Variants in HGF observed in about 807,000 individuals in gnomAD.
HGF encodes the protein hepatocyte growth factor.
HGF carries 39 observed loss-of-function variants against 111.6 expected under a neutral mutation model. The observed-to-expected ratio is 0.35, with a 90% CI of 0.27 to 0.46. The LOEUF is 0.46. HGF is among the 20% of genes least tolerant of loss of function. The pLI is 1.00. For missense variants in HGF, 735 were observed against 910.5 expected, an observed-to-expected ratio of 0.81 and a Z score of 2.48; for synonymous variants, 285 against 294.8, an observed-to-expected ratio of 0.97 and a Z score of 0.34.
chr7:81,758,385 G>A (rs1378059223), intron 3 of HGF, among the ~76,000 whole-genome samples: 2 of 151,818 alleles, frequency 1.3e-5, no homozygotes, highest in East Asian at 1.9e-4. Flanking sequence ...AAAGAAAGTA[G>A]CACTTTCTAA....
intron 5 of HGF, chr7:81,751,395 AC>A: frequency 3.0e-6 from 3 of 985,250 alleles, no homozygotes; most frequent in Non-Finnish European, 3.6e-6. Flanking sequence ...TGAAATGGTT[AC>A]TCTTCCATCT....
chr7:81,733,436 C>G (rs545847817), intron 7 of HGF, among the ~76,000 whole-genome samples: 1 of 151,792 alleles, frequency 6.6e-6, no homozygotes, highest in South Asian at 2.1e-4. Flanking sequence ...ATGTGTATAA[C>G]TCTAACAACT....
At position 81,762,878 on chromosome 7, in the gene HGF, A is replaced by G. The variant is rs1316338382; in HGVS notation, c.89-6T>C. 1 of 1,455,780 alleles carries G rather than the reference A, an allele frequency of 6.9e-7. No individual in the cohort carries two copies. Among genetic ancestry groups the G allele is most frequent in the South Asian group, 1.2e-5 (1 of 86,718 alleles). 90.2% of individuals were successfully genotyped at this position (1,455,780 alleles called of 1,614,324 possible). A position where few individuals can be genotyped will look rare whatever the true frequency, so the allele number is the denominator to read the frequency against. ...TCTTCTTTTCCTTTGTCCCTCTATT[A>G]AATACAAAATGTTTTAAAAAAATAA... On this transcript the variant is annotated splice_region_variant and splice_polypyrimidine_tract_variant and intron_variant, in intron 1 of 17. Transcript: ENST00000222390.
Position 81,717,338 on chromosome 7 carries a change from A to G in HGF, c.1299T>C (p.Ser433=), listed in dbSNP as rs1583931313. The change falls in exon 11 of 18, where the codon AGT becomes AGC. Residue 433 remains serine (S), a synonymous_variant. Transcript: ENST00000222390. ...HRHIFWEPDA[S]KLNENYCRNP... is the part of the protein sequence containing the mutation. Reference sequence around the variant, plus strand: ...TTCGGCAGTAATTCTCATTCAGCTTACTTGCATCTGGTTCCCAGAAGATAT... The same window carrying G: ...TTCGGCAGTAATTCTCATTCAGCTTGCTTGCATCTGGTTCCCAGAAGATAT... 1 of 1,613,658 alleles carries G rather than the reference A, an allele frequency of 6.2e-7. No homozygotes were observed. The highest frequency in any genetic ancestry group is 1.3e-5 in the African/African-American group (1 of 75,032).
Position 81,758,815 on chromosome 7 carries a change from T to A in HGF, c.255-11A>T, listed in dbSNP as rs1279843520. On this transcript the variant is annotated splice_polypyrimidine_tract_variant and intron_variant, in intron 2 of 17. Coordinates refer to ENST00000222390, the MANE Select transcript of HGF (RefSeq NM_000601.6). ...TCAAAAACAAAAGCCCTGAAAAAAA[T>A]ATCAGAATGAAAAGAAGAAATACTA... 6.5e-7 allele frequency: 1 copy of A among 1,546,860 alleles called. No homozygotes were observed. Among genetic ancestry groups the A allele is most frequent in the East Asian group, 2.3e-5 (1 of 44,378 alleles).
chr7:81,723,774 A>G (rs1381417906), intron 9 of HGF, among the ~76,000 whole-genome samples: 2 of 150,836 alleles, frequency 1.3e-5, no homozygotes, highest in African/African-American at 4.9e-5. Context: ...ATGGAGAAGG[A>G]TAAGAGTAAC....
intron 15 of HGF, 146 bp downstream of exon 15, chr7:81,706,141 G>A (rs567236033): frequency 5.2e-5 from 38 of 730,022 alleles, no homozygotes; most frequent in Middle Eastern, 2.8e-4. Context: ...AGACCCAAAC[G>A]CACGCATATA....
intron 7 of HGF, 140 bp from the exon 8 acceptor site, chr7:81,729,919 T>C (rs1038863473): frequency 3.0e-6 from 2 of 660,324 alleles, no homozygotes; most frequent in Admixed American, 3.0e-5. Flanking sequence ...TTGAGTGGAA[T>C]AAGAAATTTA....
intron 7 of HGF, among the ~76,000 whole-genome samples, chr7:81,739,058 A>G (rs1787922261): frequency 1.3e-5 from 2 of 152,268 alleles, no homozygotes; most frequent in Middle Eastern, 3.4e-3. Flanking sequence ...GCATCTCAAT[A>G]TAAGCAGAAC....
intron 7 of HGF, chr7:81,742,816 C>G (rs1483123137): frequency 1.3e-6 from 2 of 1,555,224 alleles, no homozygotes; most frequent in Admixed American, 1.9e-5. Flanking sequence ...ACAAAGACAG[C>G]GAGAGAGGTA....
At chr7:81,750,964 A>C in intron 5 of HGF, 1 of 942,014 alleles carries the variant, frequency 1.1e-6, no homozygotes, top group African/African-American at 1.8e-5. Context: ...TAGGGAACAG[A>C]ATATGATATG....
At chr7:81,767,295 GA>G (rs79951464) in intron 1 of HGF, among the ~76,000 whole-genome samples, 5,405 of 126,396 alleles carry the variant, frequency 0.043, 214 homozygotes, top group African/African-American at 0.12. Context: ...AATGAAAAAA[GA>G]AAAAAAAAAA....
chr7:81,756,874 C>T (rs1216700181), intron 4 of HGF: 2 of 402,534 alleles, frequency 5.0e-6, no homozygotes, highest in East Asian at 5.4e-5. Context: ...ACCTCTCCCC[C>T]TGCACAGTGC....
intron 11 of HGF, 94 bp from the exon 12 acceptor site, chr7:81,711,613 A>G (rs879304794): frequency 1.4e-5 from 8 of 566,420 alleles, no homozygotes; most frequent in Non-Finnish European, 2.5e-5. Context: ...AGTATCAATG[A>G]ATTCAGTAAT....
At chr7:81,713,705 C>T (rs1789632959) in intron 11 of HGF, among the ~76,000 whole-genome samples, 1 of 152,052 alleles carries the variant, frequency 6.6e-6, no homozygotes, top group Admixed American at 6.6e-5. Context: ...CGGATGCATC[C>T]ATTTAACAAG....
At chr7:81,768,941 A>G (rs1330158081) in intron 1 of HGF, among the ~76,000 whole-genome samples, 1 of 152,176 alleles carries the variant, frequency 6.6e-6, no homozygotes, top group East Asian at 1.9e-4. Context: ...GATAAATGTC[A>G]TATTTACCAT....
At chr7:81,750,684 C>T (rs898041313) in intron 5 of HGF, among the ~76,000 whole-genome samples, 5 of 152,138 alleles carry the variant, frequency 3.3e-5, no homozygotes, top group South Asian at 4.1e-4. Flanking sequence ...AGGCAGGTAA[C>T]GAAAATAGTA....
intron 10 of HGF, among the ~76,000 whole-genome samples, chr7:81,717,593 A>G (rs1789747324): frequency 6.6e-6 from 1 of 152,130 alleles, no homozygotes; most frequent in Admixed American, 6.5e-5. Context: ...AGAGGGCTCC[A>G]TAATTGGCAT....
chr7:81,721,172 G>A (rs901145521), intron 9 of HGF, among the ~76,000 whole-genome samples: 4 of 152,102 alleles, frequency 2.6e-5, no homozygotes, highest in Non-Finnish European at 4.4e-5. Context: ...GCGTGAACCC[G>A]GGAGGCGGAG....
Sources: gnomAD v4.1 joint callset for allele counts (sites outside exome capture counted in the v4.1 genomes callset) on GRCh38, gnomAD v4.1.1 for gene constraint, MANE v1.5 for transcripts, NCBI Gene and HGNC (gene_info 2026-07-23, HGNC 2026-07-21) for gene names.